BRSK1: variants seen among roughly 807,000 people sequenced by gnomAD.
BRSK1 encodes the protein BR serine/threonine kinase 1.
In BRSK1, 17 loss-of-function variants were observed where a neutral mutation model predicts 86.2. That is an observed-to-expected ratio of 0.20 (90% CI 0.14 to 0.30). The LOEUF is 0.30. BRSK1 is among the 10% of genes least tolerant of loss of function. The probability of loss-of-function intolerance (pLI) is 1.00; values close to 1 mark genes in which losing one functional copy is unlikely to be tolerated. For synonymous variants in BRSK1, 464 were observed against 440.1 expected (o/e 1.05, Z -0.68); for missense variants, 719 against 1,071.9 (o/e 0.67, Z 4.60).
At chr19:55,300,442 C>CCT (rs1490583324) in intron 7 of BRSK1, among the ~76,000 whole-genome samples, 1 of 152,224 alleles carries the variant, frequency 6.6e-6, no homozygotes, top group Non-Finnish European at 1.5e-5. Context: ...GTGGCTCACA[C>CCT]CTGTAATCCC....
At position 55,306,339 on chromosome 19, in the gene BRSK1, C is replaced by G; in HGVS notation, c.1978C>G (p.Pro660Ala). 1 of 1,614,114 alleles carries G rather than the reference C, an allele frequency of 6.2e-7. No homozygotes were observed. Among genetic ancestry groups the G allele is most frequent in the Non-Finnish European group, 8.5e-7 (1 of 1,180,034 alleles). Residue 660 changes from proline (P) to alanine (A), a missense_variant, in exon 17 of 19, where the codon CCC (proline) becomes GCC (alanine). By Grantham distance (27) the Pro-to-Ala change is conservative (BLOSUM62 -1). Transcript: ENST00000309383. This position sits in a 1 kb window ranked among gnomAD's most constrained non-coding sequence, Gnocchi z 4.7. ...TGGCGGCCCCTCCGTCTTCCAAAAG[C>G]CCGTCCGCTTCCAGGTGGACATCAG... ...ASGGPSVFQK[P>A]VRFQVDISSS...
rs201801123 is a variant in BRSK1 at position 55,294,154 on chromosome 19, C to T, written c.575+21C>T. 4.0e-5 allele frequency: 65 copies of T among 1,611,196 alleles called. No individual in the cohort carries two copies. The Middle Eastern group carries it at 5.0e-4, about 12-fold the overall frequency. ...TGCGGGTGAGTGGGGACTGGGCTCC[C>T]GAGACCCTGGGCAGGGGTTTAGAAG... On this transcript the variant is annotated intron_variant, in intron 5 of 18. Coordinates refer to ENST00000309383, the MANE Select transcript of BRSK1 (RefSeq NM_032430.2). This position sits in a 1 kb window ranked among gnomAD's most constrained non-coding sequence, Gnocchi z 4.9.
rs375701008 is a variant in BRSK1, at chr19:55,289,549, G to A, written c.387G>A (p.Thr129=). The change falls in exon 4 of 19, where the codon ACG becomes ACA. Residue 129 remains threonine, a synonymous_variant. Coordinates refer to ENST00000309383, the MANE Select transcript of BRSK1 (RefSeq NM_032430.2). ...ACCTGGTAAAGAAGGGGAGACTGAC[G>A]CCCAAGGAGGCCCGAAAGTTCTTCC... ...FDYLVKKGRL[T]PKEARKFFRQ... 22 of 1,614,038 alleles carry A rather than the reference G, an allele frequency of 1.4e-5. No homozygotes were observed. The African/African-American group carries it at 2.0e-4, about 15-fold the overall frequency.
In BRSK1 at chr19:55,296,621, C is replaced by T. The variant is rs192290626; in HGVS notation, c.678+2224C>T. On this transcript the variant is annotated intron_variant, in intron 7 of 18. Coordinates refer to ENST00000309383, the MANE Select transcript of BRSK1 (RefSeq NM_032430.2). Reference sequence around the variant, plus strand: ...CAGCACTTTGGGAGGCCGAGGTGGGCGGATCACGAGGTCAGGAAATCGAGA... The same window carrying T: ...CAGCACTTTGGGAGGCCGAGGTGGGTGGATCACGAGGTCAGGAAATCGAGA... Among the ~76,000 whole-genome samples the T allele has an allele frequency of 6.6e-4, 101 of 152,094 alleles. 1 individual carries two copies. Among genetic ancestry groups the T allele is most frequent in the South Asian group, 2.1e-4 (1 of 4,806 alleles).
intron 18 of BRSK1, 66 bp from the exon 19 acceptor site, chr19:55,311,845 C>A (rs933367946): frequency 1.7e-4 from 260 of 1,543,540 alleles, no homozygotes; most frequent in Non-Finnish European, 2.1e-4. Flanking sequence ...CTGCCCCCAT[C>A]CCCTGGTAAT....
chr19:55,288,387 T>C (rs1255761214), intron 3 of BRSK1, among the ~76,000 whole-genome samples: 1 of 150,760 alleles, frequency 6.6e-6, no homozygotes, highest in Admixed American at 6.6e-5. Flanking sequence ...GGTGGGAGAA[T>C]TGCTTGAACC....
rs893458628 is a variant in BRSK1 at position 55,303,868 on chromosome 19, G to T, written c.1286+42G>T. On this transcript the variant is annotated intron_variant, in intron 12 of 18. Transcript: ENST00000309383. The surrounding 1 kb of genome is among the most constrained non-coding windows in gnomAD (Gnocchi z 5.1). ...CTCCAGGAGGATCCACAATCCCTGG[G>T]TCTAGGAGTTCAAGATTCTAACCCC... The T allele has an allele frequency of 6.5e-7, 1 of 1,539,446 alleles. No individual in the cohort carries two copies. Among genetic ancestry groups the T allele is most frequent in the African/African-American group, 1.4e-5 (1 of 72,416 alleles).
intron 18 of BRSK1, among the ~76,000 whole-genome samples, chr19:55,309,413 T>A (rs553422482): frequency 6.6e-6 from 1 of 152,318 alleles, no homozygotes; most frequent in South Asian, 2.1e-4. Flanking sequence ...TCGTTCAGGC[T>A]ACTATAAGAA....
Position 55,312,182 on chromosome 19 carries a change from A to G in BRSK1, c.*114A>G. On this transcript the variant is annotated 3_prime_UTR_variant, in exon 19 of 19. Transcript: ENST00000309383. ...TGTCGGGAGGGGGGTGGACACAAAA[A>G]CCGGCCTTGCCCTGCAGGGATGGGG... The G allele has an allele frequency of 2.9e-6, 1 of 339,386 alleles. No individual in the cohort carries two copies. The allele number at this position is 339,386 out of a possible 1,614,324, so 21.0% of individuals were successfully genotyped here.
At chr19:55,308,238 C>T (rs1232356031) in intron 17 of BRSK1, among the ~76,000 whole-genome samples, 1 of 117,018 alleles carries the variant, frequency 8.5e-6, no homozygotes, top group Non-Finnish European at 1.7e-5. Context: ...CCAGGCTGGT[C>T]TCGAACTCCT....
chr19:55,304,506 G>C lies in BRSK1; in HGVS notation c.1348-45G>C, dbSNP rs2088617534. On this transcript the variant is annotated intron_variant, in intron 13 of 18. Coordinates refer to ENST00000309383, the MANE Select transcript of BRSK1 (RefSeq NM_032430.2). This position sits in a 1 kb window ranked among gnomAD's most constrained non-coding sequence, Gnocchi z 5.2. ...TGAGTGGGGCTCCTAGAGCCTCCTG[G>C]GAGTTGTAGTCCACTCGCTTATCTC... is the stretch of plus-strand genomic sequence containing the variant. The C allele has an allele frequency of 6.7e-7, 1 of 1,498,508 alleles. No homozygotes were observed. Among genetic ancestry groups the C allele is most frequent in the Non-Finnish European group, 8.9e-7 (1 of 1,127,634 alleles). The allele number at this position is 1,498,508 out of a possible 1,614,324, so 92.8% of individuals were successfully genotyped here. A position where few individuals can be genotyped will look rare whatever the true frequency, so the allele number is the denominator to read the frequency against.
Position 55,311,956 on chromosome 19 carries a change from G to T in BRSK1, c.2225G>T (p.Arg742Leu), listed in dbSNP as rs763805486. 1.4e-6 allele frequency: 2 copies of T among 1,447,998 alleles called. No individual in the cohort carries two copies. The highest frequency in any genetic ancestry group is 1.9e-6 in the Non-Finnish European group (2 of 1,062,914). The allele number at this position is 1,447,998 out of a possible 1,614,324, so 89.7% of individuals were successfully genotyped here. A position where few individuals can be genotyped will look rare whatever the true frequency, so the allele number is the denominator to read the frequency against. The change falls in exon 19 of 19, where the codon CGA (arginine) becomes CTA (leucine). Residue 742 changes from arginine to leucine, a missense_variant. By Grantham distance (102) the Arg-to-Leu change is moderately radical. Transcript: ENST00000309383. Reference sequence around the variant, plus strand: ...ACCCGGCCTGCTGGTGCCCCACCCCGAAGCCTGCAGCCCCCACCCGGCCGC... The same window carrying T: ...ACCCGGCCTGCTGGTGCCCCACCCCTAAGCCTGCAGCCCCCACCCGGCCGC... ...AQTRPAGAPP[R>L]SLQPPPGRPD... is the part of the protein sequence containing the mutation.
At chr19:55,311,575 G>T (rs951257362) in intron 18 of BRSK1, among the ~76,000 whole-genome samples, 3 of 152,174 alleles carry the variant, frequency 2.0e-5, no homozygotes, top group African/African-American at 7.2e-5. Flanking sequence ...GTCCTGGCAG[G>T]CTGTTTCCTA....
rs1221972205 is a variant in BRSK1 at position 55,284,206 on chromosome 19, A to T, written c.-237A>T. 3 of 741,024 alleles carry T rather than the reference A, an allele frequency of 4.0e-6. No homozygotes were observed. The highest frequency in any genetic ancestry group is 5.5e-6 in the Non-Finnish European group (3 of 543,754). The allele number at this position is 741,024 out of a possible 1,614,324, so 45.9% of individuals were successfully genotyped here. ...ACGGGCTGGGGAGGGGGGGCCCCGCAGCCCCCCTGGGCCATGCTGACTCCC... is the reference window on the plus strand; with the variant it reads ...ACGGGCTGGGGAGGGGGGGCCCCGCTGCCCCCCTGGGCCATGCTGACTCCC... On this transcript the variant is annotated 5_prime_UTR_variant, in exon 1 of 19. Coordinates refer to ENST00000309383, the MANE Select transcript of BRSK1 (RefSeq NM_032430.2).
At position 55,287,078 on chromosome 19, in the gene BRSK1, C is replaced by T. The variant is rs776004859; in HGVS notation, c.208C>T (p.Leu70=). 1.2e-6 allele frequency: 2 copies of T among 1,611,486 alleles called. No individual in the cohort carries two copies. The highest frequency in any genetic ancestry group is 1.7e-6 in the Non-Finnish European group (2 of 1,179,066). The change falls in exon 2 of 19, where the codon CTG becomes TTG. Residue 70 remains leucine, a synonymous_variant. Coordinates refer to ENST00000309383, the MANE Select transcript of BRSK1 (RefSeq NM_032430.2). This position sits in a 1 kb window ranked among gnomAD's most constrained non-coding sequence, Gnocchi z 5.3. The stretch of plus-strand genomic sequence containing the variant: ...CATCAAGATCGTGAACCGGGAGAAG[C>T]TGTCGGAGTCGGTGCTGATGAAGGT... ...VAIKIVNREK[L]SESVLMKVER...
At chr19:55,285,181 G>A (rs1431744731) in intron 1 of BRSK1, among the ~76,000 whole-genome samples, 1 of 151,626 alleles carries the variant, frequency 6.6e-6, no homozygotes, top group Admixed American at 6.6e-5. Context: ...GAAGGAAGAG[G>A]GTCTGGGGTC....
At chr19:55,300,259 A>G (rs978894013) in intron 7 of BRSK1, among the ~76,000 whole-genome samples, 2 of 152,174 alleles carry the variant, frequency 1.3e-5, no homozygotes, top group African/African-American at 2.4e-5. Flanking sequence ...AGCCTGTAAC[A>G]GTCCTGACTG....
Position 55,311,995 on chromosome 19 carries a change from T to G in BRSK1, c.2264T>G (p.Leu755Arg). The change falls in exon 19 of 19, where the codon CTG becomes CGG. Residue 755 changes from leucine to arginine, a missense_variant. Around this residue, in one of 6 missense-constraint regions of BRSK1, gnomAD observed 82 missense variants for 72.6 expected, o/e 1.13. Coordinates refer to ENST00000309383, the MANE Select transcript of BRSK1 (RefSeq NM_032430.2). ...CCACCCGGCCGCCCAGACCCAGAGC[T>G]GAGCAGCTCTCCCCGCCGAGGCCCC... ...QPPPGRPDPE[L>R]SSSPRRGPPK... is the part of the protein sequence containing the mutation. The G allele has an allele frequency of 6.5e-7, 1 of 1,544,614 alleles. No individual in the cohort carries two copies. The highest frequency in any genetic ancestry group is 1.2e-5 in the South Asian group (1 of 85,406).
chr19:55,307,769 CA>C, intron 17 of BRSK1, among the ~76,000 whole-genome samples: 1 of 140,390 alleles, frequency 7.1e-6, no homozygotes, highest in Non-Finnish European at 1.5e-5. Flanking sequence ...CACACACACA[CA>C]CACACACACA....
Sources: allele counts gnomAD v4.1 joint callset (sites outside exome capture counted in the v4.1 genomes callset), GRCh38; gene constraint gnomAD v4.1.1; regional missense constraint gnomAD v4.1.1; non-coding constraint Gnocchi (gnomAD v3.1); transcripts MANE v1.5; gene names NCBI Gene and HGNC (gene_info 2026-07-23, HGNC 2026-07-21).